Variants in PTPRE observed in about 807,000 individuals in gnomAD.
PTPRE encodes the protein receptor-type tyrosine-protein phosphatase epsilon.
A neutral mutation model predicts 102.0 loss-of-function variants in PTPRE; 51 were observed. That is an observed-to-expected ratio of 0.50 (90% confidence interval 0.40 to 0.63). The LOEUF is 0.63. Ranked by LOEUF, PTPRE falls within the 30% of genes least tolerant of loss-of-function variation. The pLI, the probability that PTPRE is intolerant of heterozygous loss-of-function variation, is 0.00. For missense variants in PTPRE, 752 were observed against 915.1 expected (o/e 0.82, Z 2.30); for synonymous variants, 345 against 348.2 (o/e 0.99, Z 0.10).
chr10:127,914,808 T>C (rs1846099574), intron 1 of PTPRE, among the ~76,000 whole-genome samples: 1 of 152,178 alleles, frequency 6.6e-6, no homozygotes, highest in Admixed American at 6.5e-5. Flanking sequence ...GGAAGTTCCC[T>C]TTCAACCTGG....
Position 128,072,215 on chromosome 10 carries a change from G to C in PTPRE, c.1464+1G>C. 6.2e-7 allele frequency: 1 copy of C among 1,612,270 alleles called. No homozygotes were observed. Among genetic ancestry groups the C allele is most frequent in the Non-Finnish European group, 8.5e-7 (1 of 1,178,744 alleles). On this transcript the variant is annotated splice_donor_variant, in intron 16 of 20. Transcript: ENST00000254667. LOFTEE classifies it high-confidence loss of function. ...CTACATCAACGCATCCTTCATAGAC[G>C]TACGTATGCTGGCCTGGGTTGTGTT...
In PTPRE at chr10:127,907,393, T is replaced by C; in HGVS notation, c.-31+84T>C. On this transcript the variant is annotated intron_variant, in intron 1 of 20. Transcript: ENST00000254667. The surrounding 1 kb of genome is among the most constrained non-coding windows in gnomAD (Gnocchi z 4.8). ...GGCCCAAGCAGGCCGGGGCGCTGCC[T>C]CGGCCGCTGCCGCGGGAGGGAGGGG... 5 of 941,812 alleles carry C rather than the reference T, an allele frequency of 5.3e-6. No homozygotes were observed. Among genetic ancestry groups the C allele is most frequent in the Non-Finnish European group, 6.3e-6 (5 of 791,264 alleles). 58.3% of individuals were successfully genotyped at this position (941,812 alleles called of 1,614,324 possible).
Position 127,967,713 on chromosome 10 carries a change from C to T in PTPRE, c.-30-14561C>T, listed in dbSNP as rs184810245. On this transcript the variant is annotated intron_variant, in intron 1 of 20. Transcript: ENST00000254667. ...GCACCAGTCATAAGCACACAGAGCT[C>T]TGAACTTTCAAGTGAGCCAGCACCC... Among the ~76,000 whole-genome samples the T allele has an allele frequency of 2.0e-5, 3 of 152,258 alleles. No homozygotes were observed. The East Asian group carries it at 5.8e-4, about 29-fold the overall frequency.
At chr10:128,060,517 T>G (rs1349594843) in intron 7 of PTPRE, among the ~76,000 whole-genome samples, 1 of 152,178 alleles carries the variant, frequency 6.6e-6, no homozygotes, top group African/African-American at 2.4e-5. Context: ...GTGGACCCAG[T>G]TCTCCTGTCC....
chr10:128,070,285 C>A lies in PTPRE; in HGVS notation c.1144-16C>A. On this transcript the variant is annotated splice_polypyrimidine_tract_variant and intron_variant, in intron 13 of 20. Coordinates refer to ENST00000254667, the MANE Select transcript of PTPRE (RefSeq NM_006504.6). This position sits in a 1 kb window ranked among gnomAD's most constrained non-coding sequence, Gnocchi z 4.8. ...GGGCAGAGTTGAGGGTGTGGGCACC[C>A]CTGGCCTCTCTGCAGATGCAGTACA... The A allele has an allele frequency of 6.3e-7, 1 of 1,596,592 alleles. No homozygotes were observed. Among genetic ancestry groups the A allele is most frequent in the Non-Finnish European group, 8.5e-7 (1 of 1,170,488 alleles).
At chr10:127,974,027 A>G (rs1850959383) in intron 1 of PTPRE, among the ~76,000 whole-genome samples, 1 of 152,210 alleles carries the variant, frequency 6.6e-6, no homozygotes, top group African/African-American at 2.4e-5. Flanking sequence ...CACACTTAGC[A>G]TGGTCCTGCC....
rs2135107898 is a variant in PTPRE at position 127,907,483 on chromosome 10, G to T, written c.-31+174G>T. On this transcript the variant is annotated intron_variant, in intron 1 of 20. Coordinates refer to ENST00000254667, the MANE Select transcript of PTPRE (RefSeq NM_006504.6). The surrounding 1 kb of genome is among the most constrained non-coding windows in gnomAD (Gnocchi z 4.8). ...CCCCGCGGCGCGCCCAGTACCAGCG[G>T]CTGGGGCCCGTACGACCCCCGACCC... Among the ~76,000 whole-genome samples, 1 of 151,876 alleles carries T rather than the reference G, an allele frequency of 6.6e-6. No homozygotes were observed. Among genetic ancestry groups the T allele is most frequent in the African/African-American group, 2.4e-5 (1 of 41,462 alleles).
intron 11 of PTPRE, 88 bp downstream of exon 11, chr10:128,066,282 T>C: frequency 6.4e-7 from 1 of 1,558,540 alleles, no homozygotes; most frequent in Non-Finnish European, 8.7e-7. Flanking sequence ...ATTTATGAAG[T>C]GCTTTGCTCC....
intron 1 of PTPRE, among the ~76,000 whole-genome samples, chr10:127,981,284 T>C (rs540187457): frequency 6.6e-6 from 1 of 152,248 alleles, no homozygotes; most frequent in East Asian, 1.9e-4. Flanking sequence ...AGAAAGTAGA[T>C]TGGTGTTGCC....
intron 1 of PTPRE, among the ~76,000 whole-genome samples, chr10:127,926,766 A>G (rs568846966): frequency 4.6e-5 from 7 of 151,184 alleles, no homozygotes; most frequent in African/African-American, 1.5e-4. Context: ...GAGGGGAGAA[A>G]GAGGGGAAGT....
rs953038425 is a variant in PTPRE at position 128,040,922 on chromosome 10, T to G, written c.41T>G (p.Leu14Trp). 6.2e-7 allele frequency: 1 copy of G among 1,614,004 alleles called. No individual in the cohort carries two copies. The highest frequency in any genetic ancestry group is 1.7e-5 in the Admixed American group (1 of 59,994). The change falls in exon 3 of 21, where the codon TTG becomes TGG. Residue 14 changes from leucine (L) to tryptophan (W), a missense_variant. Leu to Trp is a moderately conservative substitution (Grantham distance 61, BLOSUM62 -2). Transcript: ENST00000254667. Reference protein sequence around the residue: ...LCPLLLVGFSLPLARALRGNE... With the variant: ...LCPLLLVGFSWPLARALRGNE... ...CCACTCCTGCTGGTGGGTTTTAGCT[T>G]GCCGCTCGCCAGGGCTCTCAGGGGC...
In PTPRE at chr10:128,060,984, G is replaced by T; in HGVS notation, c.557G>T (p.Cys186Phe). 6.2e-7 allele frequency: 1 copy of T among 1,614,168 alleles called. No homozygotes were observed. Among genetic ancestry groups the T allele is most frequent in the South Asian group, 1.1e-5 (1 of 91,080 alleles). Reference sequence around the variant, plus strand: ...CTGAGCCAACTGGATGGAATTCCCTGTTCAGACTACATCAATGCTTCCTAC... The same window carrying T: ...CTGAGCCAACTGGATGGAATTCCCTTTTCAGACTACATCAATGCTTCCTAC... ...VILSQLDGIP[C>F]SDYINASYID... The change falls in exon 8 of 21, where the codon TGT becomes TTT. Residue 186 changes from cysteine (C) to phenylalanine (F), a missense_variant. Cys to Phe is a radical substitution (Grantham distance 205, BLOSUM62 -2). Coordinates refer to ENST00000254667, the MANE Select transcript of PTPRE (RefSeq NM_006504.6).
At chr10:128,055,866 A>T (rs1273523118) in intron 6 of PTPRE, among the ~76,000 whole-genome samples, 1 of 152,178 alleles carries the variant, frequency 6.6e-6, no homozygotes, top group African/African-American at 2.4e-5. Context: ...GCAGCATAGG[A>T]TCTGGCTGAT....
intron 12 of PTPRE, 189 bp downstream of exon 12, chr10:128,068,475 T>C: frequency 1.9e-6 from 1 of 537,376 alleles, no homozygotes; most frequent in Non-Finnish European, 3.0e-6. Context: ...GAGAGCCCCC[T>C]CTTCATCCCA....
intron 1 of PTPRE, among the ~76,000 whole-genome samples, chr10:127,923,398 ATT>A (rs35994733): frequency 1.1e-4 from 12 of 106,918 alleles, no homozygotes; most frequent in Non-Finnish European, 1.7e-4. Flanking sequence ...ACCAGTTTGA[ATT>A]TTTTTTTTTT....
At chr10:127,935,181 C>G (rs1164132400) in intron 1 of PTPRE, among the ~76,000 whole-genome samples, 6 of 152,184 alleles carry the variant, frequency 3.9e-5, no homozygotes. Flanking sequence ...GGGCTCCACC[C>G]TGCTTCTTCC....
intron 1 of PTPRE, among the ~76,000 whole-genome samples, chr10:127,951,661 C>T (rs189015033): frequency 6.6e-6 from 1 of 152,230 alleles, no homozygotes; most frequent in African/African-American, 2.4e-5. Flanking sequence ...CATTGGCTCC[C>T]TGACCTGTGG....
At chr10:127,997,062 G>A (rs1589951180) in intron 2 of PTPRE, among the ~76,000 whole-genome samples, 1 of 152,242 alleles carries the variant, frequency 6.6e-6, no homozygotes, top group Non-Finnish European at 1.5e-5. Flanking sequence ...GTCAAAATCA[G>A]GTTAACTTAA....
intron 2 of PTPRE, among the ~76,000 whole-genome samples, chr10:128,011,306 G>C (rs536372538): frequency 2.6e-5 from 4 of 152,208 alleles, no homozygotes; most frequent in Non-Finnish European, 5.9e-5. Context: ...ACTGTAACAC[G>C]GCGAGTGAAT....
Sources: allele counts gnomAD v4.1 joint callset (sites outside exome capture counted in the v4.1 genomes callset), GRCh38; gene constraint gnomAD v4.1.1; non-coding constraint Gnocchi (gnomAD v3.1); transcripts MANE v1.5; gene names NCBI Gene and HGNC (gene_info 2026-07-23, HGNC 2026-07-21).